Variants in PTPRE observed in about 807,000 individuals in gnomAD.
PTPRE encodes the protein protein tyrosine phosphatase receptor type E.
Under a neutral mutation model 102.0 loss-of-function variants are expected in PTPRE, and 51 were observed. The ratio of observed to expected loss-of-function variants is 0.50; its 90% confidence interval spans 0.40 to 0.63. PTPRE has a LOEUF of 0.63. Ranked by LOEUF, PTPRE falls within the 30% of genes least tolerant of loss-of-function variation. The probability of loss-of-function intolerance (pLI) is 0.00; values close to 1 mark genes in which losing one functional copy is unlikely to be tolerated. For synonymous variants in PTPRE, 345 were observed against 348.2 expected (o/e 0.99, Z 0.10); for missense variants, 752 against 915.1 (o/e 0.82, Z 2.30).
At chr10:128,072,273 A>G in intron 16 of PTPRE, 59 bp downstream of exon 16, 1 of 1,360,534 alleles carries the variant, frequency 7.4e-7, no homozygotes, top group Non-Finnish European at 1.0e-6. Flanking sequence ...ATGTGACCAC[A>G]GACTTGATTA....
At chr10:127,940,051 T>C (rs1381480662) in intron 1 of PTPRE, among the ~76,000 whole-genome samples, 3 of 141,482 alleles carry the variant, frequency 2.1e-5, no homozygotes, top group Non-Finnish European at 4.6e-5. Context: ...TGGAGGCAGG[T>C]AGAGGCAGGA....
intron 8 of PTPRE, 47 bp from the exon 9 acceptor site, chr10:128,061,632 G>A (rs1849598246): frequency 1.3e-6 from 2 of 1,560,204 alleles, no homozygotes; most frequent in South Asian, 1.2e-5. Flanking sequence ...AATCCTTTCA[G>A]CAAAGATAAT....
intron 19 of PTPRE, 59 bp downstream of exon 19, chr10:128,077,842 A>C: frequency 2.0e-6 from 3 of 1,527,464 alleles, no homozygotes. Flanking sequence ...CCCCCCCAGT[A>C]CCCGCAGCTG....
At chr10:127,911,607 C>T (rs1028143307) in intron 1 of PTPRE, among the ~76,000 whole-genome samples, 4 of 152,222 alleles carry the variant, frequency 2.6e-5, no homozygotes, top group African/African-American at 9.6e-5. Flanking sequence ...GGGCCCCTCA[C>T]AGCTGCTGCA....
chr10:128,058,630 A>T (rs1037726638), intron 7 of PTPRE, among the ~76,000 whole-genome samples: 2 of 152,188 alleles, frequency 1.3e-5, no homozygotes, highest in African/African-American at 4.8e-5. Context: ...CTGAAGGGAC[A>T]TTGGGCAGGG....
chr10:128,053,751 AATTT>A (rs1412282437), intron 6 of PTPRE, among the ~76,000 whole-genome samples: 1 of 151,478 alleles, frequency 6.6e-6, no homozygotes. Context: ...AATTTCTTTT[AATTT>A]ATTTATTTAT....
At chr10:128,044,002 A>G (rs532309987) in intron 3 of PTPRE, among the ~76,000 whole-genome samples, 1 of 152,340 alleles carries the variant, frequency 6.6e-6, no homozygotes, top group Admixed American at 6.5e-5. Context: ...TGGTTCTTAA[A>G]ATAACGATAC....
At chr10:127,945,267 A>G (rs143220273) in intron 1 of PTPRE, among the ~76,000 whole-genome samples, 9 of 152,310 alleles carry the variant, frequency 5.9e-5, no homozygotes, top group Admixed American at 5.2e-4. Context: ...AGCAACATTC[A>G]TACATGGGGG....
chr10:128,070,823 C>T lies in PTPRE; in HGVS notation c.1309C>T (p.Arg437Trp), dbSNP rs777749200. 9.3e-6 allele frequency: 15 copies of T among 1,613,778 alleles called. No individual in the cohort carries two copies. The highest frequency in any genetic ancestry group is 2.2e-5 in the South Asian group (2 of 91,070). The change falls in exon 15 of 21, where the codon CGG (arginine) becomes TGG (tryptophan). Residue 437 changes from arginine to tryptophan, a missense_variant. Physicochemically the swap from Arg to Trp is moderately radical, Grantham distance 101. Around this residue, in one of 2 missense-constraint regions of PTPRE, gnomAD observed 636 missense variants for 824.4 expected, o/e 0.77. Coordinates refer to ENST00000254667, the MANE Select transcript of PTPRE (RefSeq NM_006504.6). This position sits in a 1 kb window ranked among gnomAD's most constrained non-coding sequence, Gnocchi z 4.8. Reference sequence around the variant, plus strand: ...TCTGCTGCAGAAATTGACAAATGTCCGGATCATGAAGGAGAACATGAGGAC... The same window carrying T: ...TCTGCTGCAGAAATTGACAAATGTCTGGATCATGAAGGAGAACATGAGGAC... ...EEEFRKLTNV[R>W]IMKENMRTGN...
At chr10:128,047,972 G>T (rs1848243147) in intron 5 of PTPRE, 135 bp downstream of exon 5, 2 of 816,426 alleles carry the variant, frequency 2.4e-6, no homozygotes, top group Middle Eastern at 3.4e-4. Context: ...ACTCTACCTG[G>T]TATGATGCTG....
chr10:128,003,910 C>T (rs547749187), intron 2 of PTPRE, among the ~76,000 whole-genome samples: 1 of 152,212 alleles, frequency 6.6e-6, no homozygotes, highest in South Asian at 2.1e-4. Flanking sequence ...TATATCACCC[C>T]ATTGGCAACA....
intron 2 of PTPRE, among the ~76,000 whole-genome samples, chr10:128,023,811 C>A (rs1424326657): frequency 6.6e-6 from 1 of 152,208 alleles, no homozygotes; most frequent in Admixed American, 6.5e-5. Context: ...TGGAGGTTAA[C>A]CTTGCTGTCT....
chr10:127,971,091 G>A (rs1408071926), intron 1 of PTPRE, among the ~76,000 whole-genome samples: 2 of 152,188 alleles, frequency 1.3e-5, no homozygotes, highest in Non-Finnish European at 2.9e-5. Flanking sequence ...GTCCCATGCA[G>A]AGACCCTGCC....
At chr10:127,978,274 C>T (rs1851344871) in intron 1 of PTPRE, among the ~76,000 whole-genome samples, 2 of 151,996 alleles carry the variant, frequency 1.3e-5, no homozygotes, top group South Asian at 4.1e-4. Context: ...TATAGTGGCT[C>T]ACGCCTGTAA....
intron 2 of PTPRE, among the ~76,000 whole-genome samples, chr10:128,032,728 A>G (rs1846877291): frequency 1.3e-5 from 2 of 152,248 alleles, no homozygotes; most frequent in African/African-American, 4.8e-5. Flanking sequence ...TGCCATGGTC[A>G]TCAGCACCTA....
chr10:127,914,884 G>A (rs1043170117), intron 1 of PTPRE, among the ~76,000 whole-genome samples: 6 of 152,208 alleles, frequency 3.9e-5, no homozygotes, highest in Non-Finnish European at 7.3e-5. Context: ...ATTTCAGAGA[G>A]CACAGGGGTG....
intron 2 of PTPRE, among the ~76,000 whole-genome samples, chr10:128,015,441 A>G (rs375598783): frequency 2.0e-5 from 3 of 151,772 alleles, no homozygotes; most frequent in East Asian, 3.9e-4. Context: ...ATCTCGGCTC[A>G]CTGCAAGCTC....
intron 3 of PTPRE, among the ~76,000 whole-genome samples, chr10:128,044,408 C>T (rs2135819563): frequency 6.6e-6 from 1 of 152,338 alleles, no homozygotes; most frequent in African/African-American, 2.4e-5. Context: ...CTGGAAGACC[C>T]CGGCTCTTGG....
intron 2 of PTPRE, among the ~76,000 whole-genome samples, chr10:127,991,739 C>G (rs1464791595): frequency 6.6e-6 from 1 of 152,140 alleles, no homozygotes; most frequent in Admixed American, 6.6e-5. Flanking sequence ...AGGGTCTCAC[C>G]CCTGTCCACT....
Sources: allele counts gnomAD v4.1 joint callset (sites outside exome capture counted in the v4.1 genomes callset), GRCh38; gene constraint gnomAD v4.1.1; regional missense constraint gnomAD v4.1.1; non-coding constraint Gnocchi (gnomAD v3.1); transcripts MANE v1.5; gene names NCBI Gene and HGNC (gene_info 2026-07-23, HGNC 2026-07-21).